The following DESI1 variants were observed in gnomAD, a reference collection of about 807,000 sequenced individuals.
The protein encoded by DESI1 is desumoylating isopeptidase 1, also known as PPPDE peptidase domain containing 2.
A neutral mutation model predicts 22.4 loss-of-function variants in DESI1; 17 were observed. The ratio of observed to expected loss-of-function variants is 0.76; its 90% CI spans 0.52 to 1.14. The LOEUF (loss-of-function observed/expected upper bound fraction) is 1.14, where lower values mean the gene tolerates loss of function less well. Among genes scored for constraint, DESI1 ranks in the 50% most tolerant of loss-of-function variants. The pLI is 0.00. For synonymous variants in DESI1, 92 were observed against 84.2 expected, an observed-to-expected ratio of 1.09 and a Z score of -0.51; for missense variants, 177 against 208.9, an observed-to-expected ratio of 0.85 and a Z score of 0.94.
chr22:41,618,360 TA>T (rs132769), intron 1 of DESI1, among the ~76,000 whole-genome samples: 85 of 142,678 alleles, frequency 6.0e-4, no homozygotes, highest in Admixed American at 1.5e-3. Context: ...AAGACTCGTC[TA>T]AAAAAAAAAA....
chr22:41,605,540 G>C (rs1377320903), intron 3 of DESI1, among the ~76,000 whole-genome samples: 2 of 152,204 alleles, frequency 1.3e-5, no homozygotes, highest in Non-Finnish European at 2.9e-5. Context: ...TGGTGAGCAA[G>C]ATAACCATGG....
rs902708172 is a variant in DESI1 at position 41,608,547 on chromosome 22, T to C, written c.89-686A>G. Among the ~76,000 whole-genome samples the C allele has an allele frequency of 3.9e-5, 6 of 152,274 alleles. No individual in the cohort carries two copies. The South Asian group carries it at 1.2e-3, about 32-fold the overall frequency. ...GACATTTCTGTGGGAGAGAACAAGATGTGCACATGCATGGCTGTGAAGTCT... is the reference window on the plus strand; with the variant it reads ...GACATTTCTGTGGGAGAGAACAAGACGTGCACATGCATGGCTGTGAAGTCT... On this transcript the variant is annotated intron_variant, in intron 1 of 5. Transcript: ENST00000263256.
At chr22:41,619,577 C>A (rs1178946100) in intron 1 of DESI1, among the ~76,000 whole-genome samples, 1 of 152,090 alleles carries the variant, frequency 6.6e-6, no homozygotes, top group African/African-American at 2.4e-5. Flanking sequence ...ATCTCATTTA[C>A]AATATATGTT....
chr22:41,606,855 C>T (rs1042229654), intron 3 of DESI1, among the ~76,000 whole-genome samples: 2 of 146,912 alleles, frequency 1.4e-5, no homozygotes, highest in Non-Finnish European at 3.0e-5. Context: ...GGTTCTAGGA[C>T]TGGTGTCCCT....
At chr22:41,617,082 A>G (rs2067555510) in intron 1 of DESI1, among the ~76,000 whole-genome samples, 1 of 152,214 alleles carries the variant, frequency 6.6e-6, no homozygotes, top group Admixed American at 6.5e-5. Flanking sequence ...CAAACTTGAA[A>G]CATTTGGCAA....
chr22:41,601,283 G>C, intron 5 of DESI1, 93 bp from the exon 6 acceptor site: 2 of 1,196,478 alleles, frequency 1.7e-6, no homozygotes, highest in Non-Finnish European at 2.3e-6. Flanking sequence ...AGGAGGAGTG[G>C]GCGCTGGTGG....
intron 1 of DESI1, among the ~76,000 whole-genome samples, chr22:41,618,933 G>T (rs1019045010): frequency 6.6e-6 from 1 of 151,974 alleles, no homozygotes; most frequent in African/African-American, 2.4e-5. Flanking sequence ...CTGTGGTGGC[G>T]GGCGCCTGTA....
chr22:41,620,063 C>T (rs1325654791), intron 1 of DESI1, among the ~76,000 whole-genome samples: 1 of 152,198 alleles, frequency 6.6e-6, no homozygotes, highest in African/African-American at 2.4e-5. Flanking sequence ...CTTATTCACA[C>T]AGCCTCATCC....
At chr22:41,603,900 C>G (rs2067463515) in intron 4 of DESI1, 144 bp downstream of exon 4, 2 of 665,796 alleles carry the variant, frequency 3.0e-6, no homozygotes, top group South Asian at 4.3e-5. Context: ...GCATAACTGC[C>G]TTTTCTTCAT....
Position 41,607,838 on chromosome 22 carries a change from AC to A in DESI1, c.110+1del. 1.9e-6 allele frequency: 3 copies of A among 1,614,228 alleles called. No individual in the cohort carries two copies. The highest frequency in any genetic ancestry group is 2.5e-6 in the Non-Finnish European group (3 of 1,180,026). The stretch of plus-strand genomic sequence containing the variant: ...CAAAGTAAGGAGACCCACCCAACTT[AC>A]CAGATGCCTTCCAGTTGTTTCCCTG... On this transcript the variant is annotated splice_donor_variant, in intron 2 of 5. Transcript: ENST00000263256. LOFTEE classifies it high-confidence loss of function.
chr22:41,616,085 A>G (rs1031127723), intron 1 of DESI1, among the ~76,000 whole-genome samples: 2 of 152,154 alleles, frequency 1.3e-5, no homozygotes, highest in African/African-American at 2.4e-5. Context: ...TCTATTAAAA[A>G]TAGAAAAATT....
intron 1 of DESI1, among the ~76,000 whole-genome samples, chr22:41,610,080 TAAA>T (rs71184819): frequency 1.5e-4 from 17 of 115,578 alleles, no homozygotes; most frequent in Non-Finnish European, 1.6e-4. Flanking sequence ...AACTCTATCT[TAAA>T]AAAAAAAAAA....
chr22:41,612,904 A>G (rs1234749843), intron 1 of DESI1, among the ~76,000 whole-genome samples: 1 of 151,956 alleles, frequency 6.6e-6, no homozygotes, highest in East Asian at 1.9e-4. Context: ...GGAAAGAGGG[A>G]TGCAGGGGCA....
In DESI1 at chr22:41,599,863, A is replaced by G. The variant is rs996430115; in HGVS notation, c.*1234T>C. 7.6e-5 allele frequency: 11 copies of G among 145,072 alleles called. No homozygotes were observed. The highest frequency in any genetic ancestry group is 7.4e-4 in the Admixed American group (11 of 14,766). 9.0% of individuals were successfully genotyped at this position (145,072 alleles called of 1,614,324 possible). A position where few individuals can be genotyped will look rare whatever the true frequency, so the allele number is the denominator to read the frequency against. On this transcript the variant is annotated 3_prime_UTR_variant, in exon 6 of 6. Coordinates refer to ENST00000263256, the MANE Select transcript of DESI1 (RefSeq NM_015704.3). ...CGTGAGCCACCGCGCCAGGCCTCAC[A>G]TCATTATTCTTTCCATATCAAAGGT...
rs185689594 is a variant in DESI1 at position 41,603,428 on chromosome 22, G to A, written c.291-47C>T. 6.8e-5 allele frequency: 110 copies of A among 1,612,898 alleles called. No individual in the cohort carries two copies. The East Asian group carries it at 1.7e-3, about 25-fold the overall frequency. On this transcript the variant is annotated intron_variant, in intron 4 of 5. Coordinates refer to ENST00000263256, the MANE Select transcript of DESI1 (RefSeq NM_015704.3). ...GAACATATATGAGAAACCAGCAAGC[G>A]TCTATGTGGAATAACTCAAGCTAGG...
chr22:41,618,093 T>C (rs1292749215), intron 1 of DESI1, among the ~76,000 whole-genome samples: 1 of 152,212 alleles, frequency 6.6e-6, no homozygotes, highest in Admixed American at 6.5e-5. Flanking sequence ...CTGGGTGCAG[T>C]GGCTCATGCC....
chr22:41,614,590 C>CTT (rs10523372), intron 1 of DESI1, among the ~76,000 whole-genome samples: 2 of 85,748 alleles, frequency 2.3e-5, no homozygotes, highest in Non-Finnish European at 4.3e-5. Flanking sequence ...GGCCTACATC[C>CTT]TTTTTTTTTT....
rs758505813 is a variant in DESI1, at chr22:41,602,348, C to G, written c.413+911G>C. 979 of 985,486 alleles carry G rather than the reference C, an allele frequency of 9.9e-4. 1 individual carries two copies. The highest frequency in any genetic ancestry group is 1.1e-3 in the Non-Finnish European group (941 of 829,940). The allele number at this position is 985,486 out of a possible 1,614,324, so 61.0% of individuals were successfully genotyped here. A position where few individuals can be genotyped will look rare whatever the true frequency, so the allele number is the denominator to read the frequency against. On this transcript the variant is annotated intron_variant, in intron 5 of 5. Coordinates refer to ENST00000263256, the MANE Select transcript of DESI1 (RefSeq NM_015704.3). ...TCAGGGCCCCATAACCTAGATCCCT[C>G]AGCAGAGCTGTGGGACTGCAAACTC... is the stretch of plus-strand genomic sequence containing the variant.
At chr22:41,608,103 A>T (rs1305847028) in intron 1 of DESI1, among the ~76,000 whole-genome samples, 1 of 152,210 alleles carries the variant, frequency 6.6e-6, no homozygotes, top group Admixed American at 6.5e-5. Context: ...AAGGTACCCC[A>T]GTTTTATGTC....
Sources: gnomAD v4.1 joint callset for allele counts (sites outside exome capture counted in the v4.1 genomes callset) on GRCh38, gnomAD v4.1.1 for gene constraint, MANE v1.5 for transcripts, NCBI Gene and HGNC (gene_info 2026-07-23, HGNC 2026-07-21) for gene names.